TRPC5: variants seen among roughly 807,000 people sequenced by gnomAD.
TRPC5 encodes short transient receptor potential channel 5.
Under a neutral mutation model 56.5 loss-of-function variants are expected in TRPC5, and 9 were observed. That is an observed-to-expected ratio of 0.16 (90% CI 0.10 to 0.28). TRPC5 has a LOEUF of 0.28. TRPC5 is among the 10% of genes least tolerant of loss of function. The pLI, the probability that TRPC5 is intolerant of heterozygous loss-of-function variation, is 1.00. For missense variants in TRPC5, 469 were observed against 748.9 expected (o/e 0.63, Z 4.36); for synonymous variants, 282 against 278.5 (o/e 1.01, Z -0.13).
intron 10 of TRPC5, among the ~76,000 whole-genome samples, chrX:111,778,332 G>T (rs779410720): frequency 6.3e-5 from 7 of 111,406 alleles, no homozygotes; most frequent in Non-Finnish European, 1.3e-4. Context: ...ATGTGTTCTA[G>T]GATAGGATTT....
At chrX:111,818,117 G>A (rs777913536) in intron 7 of TRPC5, among the ~76,000 whole-genome samples, 6 of 111,532 alleles carry the variant, frequency 5.4e-5, no homozygotes, top group Middle Eastern at 4.2e-3. Flanking sequence ...GCTCGACTCC[G>A]CAAGAACCTC....
intron 1 of TRPC5, among the ~76,000 whole-genome samples, chrX:112,067,193 T>C (rs1017899185): frequency 8.9e-6 from 1 of 111,944 alleles, no homozygotes; most frequent in Non-Finnish European, 1.9e-5. Context: ...ACAGAAGACT[T>C]TGGGGGGTCC....
At chrX:111,954,351 C>T (rs1453382265) in intron 1 of TRPC5, among the ~76,000 whole-genome samples, 5 of 111,768 alleles carry the variant, frequency 4.5e-5, no homozygotes, top group Admixed American at 3.8e-4. Context: ...ACAATACAAC[C>T]CTGCTCATTG....
intron 1 of TRPC5, among the ~76,000 whole-genome samples, chrX:111,995,380 C>T (rs113875426): frequency 0.06 from 6,700 of 111,500 alleles, 488 homozygotes; most frequent in African/African-American, 0.2. Context: ...TATTTTATTG[C>T]GGATTTTCAC....
At chrX:111,841,558 C>T (rs1356034363) in intron 6 of TRPC5, among the ~76,000 whole-genome samples, 1 of 112,043 alleles carries the variant, frequency 8.9e-6, no homozygotes, top group African/African-American at 3.2e-5. Flanking sequence ...TGTAATAGTG[C>T]CTGTTCCTAG....
intron 1 of TRPC5, among the ~76,000 whole-genome samples, chrX:111,981,715 G>A (rs1277587053): frequency 8.9e-6 from 1 of 111,883 alleles, no homozygotes; most frequent in African/African-American, 3.3e-5. Context: ...CTTGAGTGAT[G>A]TTTACTCTTT....
chrX:111,981,629 C>A (rs958627627), intron 1 of TRPC5, among the ~76,000 whole-genome samples: 6 of 111,676 alleles, frequency 5.4e-5, no homozygotes, highest in Non-Finnish European at 9.4e-5. Flanking sequence ...GGTCATAATT[C>A]AGCCTAACAT....
At chrX:112,076,496 CTG>C (rs754405065) in intron 1 of TRPC5, among the ~76,000 whole-genome samples, 2 of 111,132 alleles carry the variant, frequency 1.8e-5, no homozygotes, top group East Asian at 5.7e-4. Context: ...AGCCATTAAA[CTG>C]TGCAACATGA....
intron 1 of TRPC5, among the ~76,000 whole-genome samples, chrX:111,984,238 C>T (rs766269172): frequency 3.6e-5 from 4 of 111,666 alleles, no homozygotes; most frequent in Non-Finnish European, 7.5e-5. Flanking sequence ...ACCAAACAAC[C>T]TCCGTATCTG....
At chrX:111,950,987 G>A (rs1927073043) in intron 2 of TRPC5, among the ~76,000 whole-genome samples, 1 of 112,130 alleles carries the variant, frequency 8.9e-6, no homozygotes, top group South Asian at 3.7e-4. Context: ...AGGATGCACA[G>A]GAATGGCAGG....
intron 3 of TRPC5, among the ~76,000 whole-genome samples, chrX:111,905,663 C>T (rs1313218414): frequency 9.0e-6 from 1 of 111,042 alleles, no homozygotes; most frequent in African/African-American, 3.3e-5. Flanking sequence ...GCCTGTAATC[C>T]CAGCACTTTG....
At chrX:111,885,431 C>T (rs979288533) in intron 3 of TRPC5, among the ~76,000 whole-genome samples, 2 of 111,136 alleles carry the variant, frequency 1.8e-5, no homozygotes, top group Non-Finnish European at 3.8e-5. Flanking sequence ...CTAGAGTGCC[C>T]AACTCATCCT....
intron 3 of TRPC5, among the ~76,000 whole-genome samples, chrX:111,875,648 C>A (rs1923912781): frequency 2.4e-5 from 2 of 83,772 alleles, no homozygotes; most frequent in South Asian, 1.3e-3. Context: ...TGATTCCATT[C>A]TTTGATTAAT....
At chrX:111,813,748 A>AT (rs1182644356) in intron 7 of TRPC5, among the ~76,000 whole-genome samples, 1 of 112,426 alleles carries the variant, frequency 8.9e-6, no homozygotes, top group African/African-American at 3.2e-5. Flanking sequence ...GGTTGGAGAG[A>AT]TATTTTGGGC....
chrX:111,842,060 T>TCTATCTAC (rs1446414359), intron 6 of TRPC5, among the ~76,000 whole-genome samples: 1 of 101,095 alleles, frequency 9.9e-6, no homozygotes, highest in Admixed American at 1.1e-4. Context: ...TATCTATCTA[T>TCTATCTAC]CTATCTATCT....
intron 2 of TRPC5, among the ~76,000 whole-genome samples, chrX:111,915,076 T>C (rs1925935084): frequency 9.1e-6 from 1 of 110,186 alleles, no homozygotes. Context: ...TCTCTCTCTC[T>C]CTCTCCCCGC....
chrX:111,865,790 T>G (rs1923536430), intron 3 of TRPC5, among the ~76,000 whole-genome samples: 1 of 112,488 alleles, frequency 8.9e-6, no homozygotes, highest in Admixed American at 9.4e-5. Flanking sequence ...GGATAAATCT[T>G]GGTGGAATAC....
At chrX:112,076,670 T>C (rs1166473832) in intron 1 of TRPC5, among the ~76,000 whole-genome samples, 3 of 111,763 alleles carry the variant, frequency 2.7e-5, no homozygotes, top group Non-Finnish European at 3.8e-5. Flanking sequence ...GTTTTCATGC[T>C]GCATATATAT....
At chrX:111,814,487 G>A (rs1358528889) in intron 7 of TRPC5, among the ~76,000 whole-genome samples, 1 of 110,960 alleles carries the variant, frequency 9.0e-6, no homozygotes, top group Non-Finnish European at 1.9e-5. Flanking sequence ...GCTGCAAAGT[G>A]TCAGGGCCAA....
Sources: allele counts gnomAD v4.1 joint callset (sites outside exome capture counted in the v4.1 genomes callset), GRCh38; gene constraint gnomAD v4.1.1; transcripts MANE v1.5; gene names NCBI Gene and HGNC (gene_info 2026-07-23, HGNC 2026-07-21).